SYNE3: variants seen among roughly 807,000 people sequenced by gnomAD.
SYNE3 encodes the protein nesprin-3.
A neutral mutation model predicts 111.2 loss-of-function variants in SYNE3; 100 were observed. The observed-to-expected ratio is 0.90, with a 90% CI of 0.77 to 1.06. The LOEUF (loss-of-function observed/expected upper bound fraction) is 1.06, where lower values mean the gene tolerates loss of function less well. Ranked by LOEUF, SYNE3 falls within the 50% of genes least tolerant of loss-of-function variation. The pLI is 0.00. For missense variants in SYNE3, 1,160 were observed against 1,240.3 expected (o/e 0.94, Z 0.97); for synonymous variants, 547 against 533.9 (o/e 1.02, Z -0.34).
At chr14:95,457,436 G>C in intron 4 of SYNE3, 98 bp from the exon 5 acceptor site, 3 of 1,434,844 alleles carry the variant, frequency 2.1e-6, no homozygotes, top group Non-Finnish European at 2.8e-6. Context: ...GTGTGTGTGT[G>C]TGTGTGTGTT....
At chr14:95,477,210 A>T (rs773524944) in intron 1 of SYNE3, among the ~76,000 whole-genome samples, 10 of 152,328 alleles carry the variant, frequency 6.6e-5, no homozygotes, top group Non-Finnish European at 1.3e-4. Flanking sequence ...AAAGGCCAGG[A>T]TGTCTTGCCA....
chr14:95,491,072 T>C (rs1182019629), intron 1 of SYNE3, among the ~76,000 whole-genome samples: 1 of 152,160 alleles, frequency 6.6e-6, no homozygotes, highest in Non-Finnish European at 1.5e-5. Context: ...TGGCTGTTCT[T>C]GGGGCCAGGT....
At chr14:95,431,967 T>G in intron 17 of SYNE3, 112 bp downstream of exon 17, 1 of 1,240,176 alleles carries the variant, frequency 8.1e-7, no homozygotes, top group Non-Finnish European at 1.1e-6. Context: ...TGTTCTTTGG[T>G]CTTCCTGGAA....
chr14:95,494,586 C>T (rs997949878), intron 1 of SYNE3, among the ~76,000 whole-genome samples: 1 of 152,086 alleles, frequency 6.6e-6, no homozygotes, highest in African/African-American at 2.4e-5. Context: ...GTGGGTTTTA[C>T]TCTGTGGGCA....
At chr14:95,483,951 C>G (rs1889401494) in intron 1 of SYNE3, among the ~76,000 whole-genome samples, 1 of 152,202 alleles carries the variant, frequency 6.6e-6, no homozygotes, top group African/African-American at 2.4e-5. Flanking sequence ...GTCCCGAAGC[C>G]ATTTTAAGTC....
chr14:95,489,753 T>G (rs1178845568), intron 1 of SYNE3, among the ~76,000 whole-genome samples: 4 of 152,020 alleles, frequency 2.6e-5, no homozygotes, highest in Non-Finnish European at 5.9e-5. Context: ...CTGGCTTATT[T>G]TTTTTTGAAA....
chr14:95,507,572 GT>G (rs1890573844), intron 1 of SYNE3, among the ~76,000 whole-genome samples: 1 of 152,188 alleles, frequency 6.6e-6, no homozygotes, highest in Non-Finnish European at 1.5e-5. Flanking sequence ...GCATTTGGGT[GT>G]TTTTACCCAG....
intron 11 of SYNE3, among the ~76,000 whole-genome samples, chr14:95,440,414 G>A (rs1041520673): frequency 1.5e-4 from 23 of 152,236 alleles, no homozygotes; most frequent in African/African-American, 4.6e-4. Context: ...CAAATGGAAC[G>A]TGGCTGTAGC....
Position 95,449,985 on chromosome 14 carries a change from G to C in SYNE3, c.1395C>G (p.Val465=). The C allele has an allele frequency of 1.3e-6, 2 of 1,554,892 alleles. No individual in the cohort carries two copies. Among genetic ancestry groups the C allele is most frequent in the Non-Finnish European group, 1.7e-6 (2 of 1,149,000 alleles). ...AAGGCAGGTCCGGCAGGCTGGCAGTGACCTCCAAGAGCCGCTGGGCCAGGG... is the reference window on the plus strand; with the variant it reads ...AAGGCAGGTCCGGCAGGCTGGCAGTCACCTCCAAGAGCCGCTGGGCCAGGG... ...WKALAQRLLE[V]TASLPDLPSL... The change falls in exon 8 of 18, where the codon GTC becomes GTG. Residue 465 remains valine, a synonymous_variant. Transcript: ENST00000682763.
chr14:95,449,596 C>A (rs1886933011), intron 8 of SYNE3: 1 of 985,334 alleles, frequency 1.0e-6, no homozygotes, highest in African/African-American at 1.7e-5. Flanking sequence ...CAGGTCAGGT[C>A]AGGTTTCTTG....
chr14:95,511,770 T>G (rs552736022), intron 1 of SYNE3, among the ~76,000 whole-genome samples: 1 of 152,222 alleles, frequency 6.6e-6, no homozygotes, highest in Admixed American at 6.5e-5. Flanking sequence ...CCTATCAGTT[T>G]AATCTCAGGT....
At chr14:95,451,447 G>A (rs994104757) in intron 7 of SYNE3, 3 of 152,216 alleles carry the variant, frequency 2.0e-5, no homozygotes, top group East Asian at 1.9e-4. Flanking sequence ...AGAGGGAGAG[G>A]AAGACCCTTG....
At chr14:95,482,936 T>G (rs183811951) in intron 1 of SYNE3, among the ~76,000 whole-genome samples, 1 of 152,312 alleles carries the variant, frequency 6.6e-6, no homozygotes, top group Admixed American at 6.5e-5. Flanking sequence ...AAGGATGACT[T>G]GAGTCTAAAC....
chr14:95,432,092 G>A lies in SYNE3; in HGVS notation c.2714C>T (p.Thr905Ile). 1 of 1,612,700 alleles carries A rather than the reference G, an allele frequency of 6.2e-7. No individual in the cohort carries two copies. The highest frequency in any genetic ancestry group is 2.2e-5 in the East Asian group (1 of 44,888). ...LLTQSSPGEP[T>I]GFQKTRRWRG... Reference sequence around the variant, plus strand: ...CAGACACTGTACCTTTTGGAATCCAGTCGGCTCCCCTGGAGAACTTTGTGT... The same window carrying A: ...CAGACACTGTACCTTTTGGAATCCAATCGGCTCCCCTGGAGAACTTTGTGT... Residue 905 changes from threonine to isoleucine, a missense_variant, in exon 17 of 18, where the codon ACT becomes ATT. Physicochemically the swap from Thr to Ile is moderately conservative, Grantham distance 89. Coordinates refer to ENST00000682763, the MANE Select transcript of SYNE3 (RefSeq NM_152592.6).
chr14:95,449,333 T>G, intron 8 of SYNE3: 2 of 701,598 alleles, frequency 2.9e-6, no homozygotes, highest in Non-Finnish European at 3.5e-6. Context: ...ACCAATGAGA[T>G]GTGAGGGGAG....
At chr14:95,506,533 C>G (rs1162950692) in intron 1 of SYNE3, among the ~76,000 whole-genome samples, 1 of 152,218 alleles carries the variant, frequency 6.6e-6, no homozygotes, top group Non-Finnish European at 1.5e-5. Context: ...CAAGGGCTGA[C>G]CCACCAGCAG....
At chr14:95,498,683 G>C (rs1890199932) in intron 1 of SYNE3, among the ~76,000 whole-genome samples, 1 of 152,208 alleles carries the variant, frequency 6.6e-6, no homozygotes, top group South Asian at 2.1e-4. Context: ...ACTCAGGCAA[G>C]TGTATTCACC....
chr14:95,457,805 G>A (rs1318347330), intron 4 of SYNE3, among the ~76,000 whole-genome samples: 1 of 152,114 alleles, frequency 6.6e-6, no homozygotes, highest in Non-Finnish European at 1.5e-5. Context: ...TGACAGATGA[G>A]GACACCAAGA....
chr14:95,492,781 C>T (rs1287422758), intron 1 of SYNE3, among the ~76,000 whole-genome samples: 1 of 152,034 alleles, frequency 6.6e-6, no homozygotes, highest in Non-Finnish European at 1.5e-5. Context: ...TTTGGGAGGC[C>T]GAGGTGGGAG....
Sources: gnomAD v4.1 joint callset for allele counts (sites outside exome capture counted in the v4.1 genomes callset) on GRCh38, gnomAD v4.1.1 for gene constraint, MANE v1.5 for transcripts, NCBI Gene and HGNC (gene_info 2026-07-23, HGNC 2026-07-21) for gene names.